Variants in CAMTA1 observed in about 807,000 individuals in gnomAD.
CAMTA1 encodes the protein calmodulin-binding transcription activator 1.
CAMTA1 carries 27 observed loss-of-function variants against 170.9 expected under a neutral mutation model. The ratio of observed to expected loss-of-function variants is 0.16; its 90% confidence interval spans 0.12 to 0.22. CAMTA1 has a LOEUF of 0.22. CAMTA1 is among the 10% of genes least tolerant of loss of function. CAMTA1 has a pLI of 1.00. For missense variants in CAMTA1, 1,619 were observed against 2,217.2 expected (o/e 0.73, Z 5.42); for synonymous variants, 833 against 891.5 (o/e 0.93, Z 1.17).
At chr1:7,336,999 T>G (rs1574768637) in intron 5 of CAMTA1, among the ~76,000 whole-genome samples, 2 of 152,326 alleles carry the variant, frequency 1.3e-5, no homozygotes, top group Admixed American at 1.3e-4. Context: ...CCAGAAGCCT[T>G]TTTGCTTTTC....
At chr1:6,867,272 T>TA (rs1666905019) in intron 3 of CAMTA1, among the ~76,000 whole-genome samples, 2 of 152,220 alleles carry the variant, frequency 1.3e-5, no homozygotes, top group Admixed American at 1.3e-4. Flanking sequence ...AAAAAAAAGT[T>TA]ACATTATTGA....
intron 18 of CAMTA1, among the ~76,000 whole-genome samples, chr1:7,746,507 T>C (rs1046798024): frequency 7.9e-5 from 12 of 152,236 alleles, no homozygotes; most frequent in African/African-American, 2.9e-4. Context: ...AGCACCTTCA[T>C]AGAAGAGTTT....
intron 4 of CAMTA1, chr1:7,142,091 T>A (rs1379983991): frequency 3.9e-6 from 2 of 518,668 alleles, no homozygotes; most frequent in Non-Finnish European, 7.7e-6. Context: ...CTCTTCCTGG[T>A]ACCCCTTCTG....
chr1:7,676,763 G>C (rs566765144), intron 10 of CAMTA1, among the ~76,000 whole-genome samples: 12 of 152,182 alleles, frequency 7.9e-5, no homozygotes, highest in Non-Finnish European at 1.6e-4. Context: ...ATTGCCCACG[G>C]GCCACCTCTG....
chr1:7,241,241 T>C (rs1270978637), intron 4 of CAMTA1, among the ~76,000 whole-genome samples: 1 of 152,236 alleles, frequency 6.6e-6, no homozygotes, highest in African/African-American at 2.4e-5. Flanking sequence ...TTACAAAGTG[T>C]AAAACCCATA....
chr1:7,740,091 C>T (rs1187232917), intron 16 of CAMTA1, among the ~76,000 whole-genome samples: 1 of 152,116 alleles, frequency 6.6e-6, no homozygotes, highest in Admixed American at 6.5e-5. Flanking sequence ...AGCTACAGTT[C>T]AACATGAGAT....
intron 5 of CAMTA1, among the ~76,000 whole-genome samples, chr1:7,305,297 T>C (rs1468396262): frequency 6.6e-6 from 1 of 152,062 alleles, no homozygotes; most frequent in East Asian, 1.9e-4. Context: ...GAAGTCCACC[T>C]TTATTCCTCT....
intron 5 of CAMTA1, among the ~76,000 whole-genome samples, chr1:7,350,282 G>T (rs542059581): frequency 6.6e-6 from 1 of 152,272 alleles, no homozygotes; most frequent in South Asian, 2.1e-4. Flanking sequence ...CCCCAGGAGG[G>T]TCCCCAGGAG....
intron 6 of CAMTA1, among the ~76,000 whole-genome samples, chr1:7,536,686 C>A (rs1218040963): frequency 6.6e-6 from 1 of 152,172 alleles, no homozygotes; most frequent in Non-Finnish European, 1.5e-5. Context: ...CCATGGTGCA[C>A]TGGGCTGAGG....
At chr1:6,810,848 T>G in intron 1 of CAMTA1, among the ~76,000 whole-genome samples, 1 of 150,954 alleles carries the variant, frequency 6.6e-6, no homozygotes, top group Admixed American at 6.6e-5. Context: ...TCATAGGAGG[T>G]CCATCATAAA....
At chr1:7,572,061 G>A (rs1300290893) in intron 6 of CAMTA1, among the ~76,000 whole-genome samples, 1 of 152,086 alleles carries the variant, frequency 6.6e-6, no homozygotes, top group East Asian at 1.9e-4. Context: ...TCTCATTGTG[G>A]TTTTGATTTG....
intron 9 of CAMTA1, among the ~76,000 whole-genome samples, chr1:7,668,879 C>T (rs1163615760): frequency 6.6e-6 from 1 of 152,180 alleles, no homozygotes; most frequent in Non-Finnish European, 1.5e-5. Flanking sequence ...GAAGTCACTG[C>T]TCTTCCACTT....
intron 5 of CAMTA1, among the ~76,000 whole-genome samples, chr1:7,347,265 G>T (rs1281845172): frequency 6.6e-6 from 1 of 152,172 alleles, no homozygotes; most frequent in Non-Finnish European, 1.5e-5. Flanking sequence ...TGTTCCATCG[G>T]GAAGGGGCTT....
At chr1:7,103,468 C>A (rs925340648) in intron 4 of CAMTA1, among the ~76,000 whole-genome samples, 1 of 145,288 alleles carries the variant, frequency 6.9e-6, no homozygotes, top group Non-Finnish European at 1.5e-5. Flanking sequence ...CACACATGTA[C>A]ACAACACACA....
intron 6 of CAMTA1, among the ~76,000 whole-genome samples, chr1:7,622,417 C>G (rs1042480769): frequency 1.3e-5 from 2 of 152,254 alleles, no homozygotes; most frequent in African/African-American, 4.8e-5. Flanking sequence ...GGCAAGATAA[C>G]AGATTGGTGT....
chr1:6,842,198 A>G (rs1656056646), intron 3 of CAMTA1, among the ~76,000 whole-genome samples: 1 of 152,240 alleles, frequency 6.6e-6, no homozygotes, highest in Non-Finnish European at 1.5e-5. Flanking sequence ...ACAGAGGTGG[A>G]AGACCAAGTT....
chr1:7,349,136 C>T (rs1238003891), intron 5 of CAMTA1, among the ~76,000 whole-genome samples: 1 of 152,162 alleles, frequency 6.6e-6, no homozygotes. Context: ...AAGTCATTCC[C>T]GTTCTCCTCG....
At chr1:7,270,270 C>CACAT (rs1669555085) in intron 5 of CAMTA1, among the ~76,000 whole-genome samples, 1 of 40,466 alleles carries the variant, frequency 2.5e-5, no homozygotes, top group South Asian at 7.5e-4. Flanking sequence ...CACACACACA[C>CACAT]ACACATATAT....
At chr1:7,273,829 A>T (rs1235084985) in intron 5 of CAMTA1, among the ~76,000 whole-genome samples, 1 of 152,222 alleles carries the variant, frequency 6.6e-6, no homozygotes, top group Non-Finnish European at 1.5e-5. Context: ...GACAACAATG[A>T]TACAAAGGAA....
Sources: allele counts gnomAD v4.1 joint callset (sites outside exome capture counted in the v4.1 genomes callset), GRCh38; gene constraint gnomAD v4.1.1; transcripts MANE v1.5; gene names NCBI Gene and HGNC (gene_info 2026-07-23, HGNC 2026-07-21).